RIPOR1: variants seen among roughly 807,000 people sequenced by gnomAD.
RIPOR1 encodes RHO family interacting cell polarization regulator 1, also known as rho family-interacting cell polarization regulator 1.
Under a neutral mutation model 116.5 loss-of-function variants are expected in RIPOR1, and 58 were observed. The ratio of observed to expected loss-of-function variants is 0.50; its 90% CI spans 0.40 to 0.62. The LOEUF (loss-of-function observed/expected upper bound fraction) is 0.62, where lower values mean the gene tolerates loss of function less well. Among genes scored for constraint, RIPOR1 ranks in the 20% least tolerant of loss-of-function variants. RIPOR1 has a pLI of 0.00. For synonymous variants in RIPOR1, 605 were observed against 650.0 expected (o/e 0.93, Z 1.05); for missense variants, 1,372 against 1,586.2 (o/e 0.86, Z 2.29).
rs2051101679 is a variant in RIPOR1 at position 67,544,545 on chromosome 16, G to A, written c.2733+114G>A. ...CTGAGTGCCACACCCCAGTGCCCCA[G>A]GGCCCTTGGCATCTGGCCCTTGCTG... On this transcript the variant is annotated intron_variant, in intron 15 of 21. Coordinates refer to ENST00000042381, the MANE Select transcript of RIPOR1 (RefSeq NM_024519.4). The surrounding 1 kb of genome is among the most constrained non-coding windows in gnomAD (Gnocchi z 5.1). 1 of 1,535,594 alleles carries A rather than the reference G, an allele frequency of 6.5e-7. No homozygotes were observed. The highest frequency in any genetic ancestry group is 1.2e-5 in the South Asian group (1 of 85,324).
At position 67,543,629 on chromosome 16, in the gene RIPOR1, C is replaced by T; in HGVS notation, c.2600+160C>T. ...GTGAGGACTGAGTTGCTGGCAGGTG[C>T]ACCTGTGTCCACCCCTCCCATGTCC... On this transcript the variant is annotated intron_variant, in intron 14 of 21. Coordinates refer to ENST00000042381, the MANE Select transcript of RIPOR1 (RefSeq NM_024519.4). This position sits in a 1 kb window ranked among gnomAD's most constrained non-coding sequence, Gnocchi z 4.7. The T allele has an allele frequency of 2.2e-6, 2 of 912,662 alleles. No individual in the cohort carries two copies. Among genetic ancestry groups the T allele is most frequent in the South Asian group, 3.2e-5 (2 of 61,944 alleles). The allele number at this position is 912,662 out of a possible 1,614,324, so 56.5% of individuals were successfully genotyped here.
chr16:67,521,573 C>CAGGA (rs754490943), intron 1 of RIPOR1, among the ~76,000 whole-genome samples: 373 of 152,230 alleles, frequency 2.5e-3, no homozygotes, highest in Non-Finnish European at 4.3e-3. Context: ...AGAAAGGAGT[C>CAGGA]AGGAAGGAAG....
chr16:67,524,170 A>G (rs929871), upstream of RIPOR1, among the ~76,000 whole-genome samples: 8,660 of 152,284 alleles, frequency 0.057, 730 homozygotes, highest in African/African-American at 0.19. Flanking sequence ...GGATGGGTGC[A>G]CTTAAAGCAT....
rs1246384298 is a variant in RIPOR1 at position 67,544,865 on chromosome 16, C to T, written c.2869+35C>T. 9 of 1,593,022 alleles carry T rather than the reference C, an allele frequency of 5.6e-6. No homozygotes were observed. Among genetic ancestry groups the T allele is most frequent in the East Asian group, 4.5e-5 (2 of 44,456 alleles). On this transcript the variant is annotated intron_variant, in intron 16 of 21. Coordinates refer to ENST00000042381, the MANE Select transcript of RIPOR1 (RefSeq NM_024519.4). The surrounding 1 kb of genome is among the most constrained non-coding windows in gnomAD (Gnocchi z 5.1). Reference sequence around the variant, plus strand: ...CTGGGGGTTCGGGCTCTGCCATCTGCCTTGAAGCTCCTACCTCAGCCTACT... The same window carrying T: ...CTGGGGGTTCGGGCTCTGCCATCTGTCTTGAAGCTCCTACCTCAGCCTACT...
In RIPOR1 at chr16:67,539,038, G is replaced by A. The variant is rs374771901; in HGVS notation, c.306G>A (p.Gln102=). The A allele has an allele frequency of 2.5e-6, 4 of 1,613,340 alleles. 1 individual carries two copies. The highest frequency in any genetic ancestry group is 2.2e-5 in the South Asian group (2 of 90,996). ...AGGAGCAAGAGAAACTCCAGGGGCAGATAAGGGAGTCCAAGAGGAATTCCC... is the reference window on the plus strand; with the variant it reads ...AGGAGCAAGAGAAACTCCAGGGGCAAATAAGGGAGTCCAAGAGGAATTCCC... ...HQQEQEKLQG[Q]IRESKRNSRL... Residue 102 remains glutamine, a synonymous_variant, in exon 4 of 22, where the codon CAG becomes CAA. Coordinates refer to ENST00000042381, the MANE Select transcript of RIPOR1 (RefSeq NM_024519.4).
rs771598046 is a variant in RIPOR1, at chr16:67,544,289, T to G, written c.2601-10T>G. 2.0e-5 allele frequency: 32 copies of G among 1,591,444 alleles called. No homozygotes were observed. In the Middle Eastern group the frequency reaches 6.7e-4, roughly 33 times the overall value. On this transcript the variant is annotated splice_polypyrimidine_tract_variant and intron_variant, in intron 14 of 21. Coordinates refer to ENST00000042381, the MANE Select transcript of RIPOR1 (RefSeq NM_024519.4). This position sits in a 1 kb window ranked among gnomAD's most constrained non-coding sequence, Gnocchi z 5.1. ...TGCCTGTGGGGTGGTGGACCCCATT[T>G]TTCCCTCAGGCCTCCAAGCAGCCCG... is the stretch of plus-strand genomic sequence containing the variant.
At position 67,541,407 on chromosome 16, in the gene RIPOR1, C is replaced by G. The variant is rs762455688; in HGVS notation, c.802-23C>G. 1.9e-6 allele frequency: 3 copies of G among 1,608,524 alleles called. No individual in the cohort carries two copies. Among genetic ancestry groups the G allele is most frequent in the Non-Finnish European group, 2.5e-6 (3 of 1,176,652 alleles). The stretch of plus-strand genomic sequence containing the variant: ...TCATAGCCCCTGCACCCTTGTGACC[C>G]TACCATGCACTCTTGGCTACAGGTG... On this transcript the variant is annotated intron_variant, in intron 10 of 21. Transcript: ENST00000042381. The surrounding 1 kb of genome is among the most constrained non-coding windows in gnomAD (Gnocchi z 4.6).
upstream of RIPOR1, among the ~76,000 whole-genome samples, chr16:67,524,368 C>T (rs992458110): frequency 1.3e-5 from 2 of 152,206 alleles, no homozygotes; most frequent in East Asian, 1.9e-4. Flanking sequence ...CCTACCTCCT[C>T]CAAGCCTGCC....
At chr16:67,536,631 C>A (rs2050801789) in intron 1 of RIPOR1, among the ~76,000 whole-genome samples, 1 of 151,948 alleles carries the variant, frequency 6.6e-6, no homozygotes, top group African/African-American at 2.4e-5. Flanking sequence ...TGAGCACTCC[C>A]TCTGTGGGAG....
In RIPOR1 at chr16:67,540,186, G is replaced by A; in HGVS notation, c.548G>A (p.Gly183Glu). The part of the protein sequence containing the change: ...ARDSLAEATR[G>E]HREYTESMCL... The stretch of plus-strand genomic sequence containing the variant: ...GACAGCCTGGCAGAGGCCACTCGGG[G>A]GCATCGCGAGTACACGGAGGTGAGG... Residue 183 changes from glycine to glutamate, a missense_variant, in exon 7 of 22, where the codon GGG becomes GAG. Gly to Glu is a moderately conservative substitution (Grantham distance 98). Transcript: ENST00000042381. This position sits in a 1 kb window ranked among gnomAD's most constrained non-coding sequence, Gnocchi z 4.7. 1 of 1,614,132 alleles carries A rather than the reference G, an allele frequency of 6.2e-7. No individual in the cohort carries two copies. Among genetic ancestry groups the A allele is most frequent in the Non-Finnish European group, 8.5e-7 (1 of 1,179,984 alleles).
At position 67,541,935 on chromosome 16, in the gene RIPOR1, C is replaced by T. The variant is rs371602868; in HGVS notation, c.1149C>T (p.Asp383=). Reference sequence around the variant, plus strand: ...GGTCCCTGTCATCTGAATCTTCAGACGACTCATCCAGCCCACAGCTCTCAG... The same window carrying T: ...GGTCCCTGTCATCTGAATCTTCAGATGACTCATCCAGCCCACAGCTCTCAG... ...TAWSLSSESS[D]DSSSPQLSGT... Residue 383 remains aspartate, a synonymous_variant, in exon 13 of 22, where the codon GAC becomes GAT. Transcript: ENST00000042381. This position sits in a 1 kb window ranked among gnomAD's most constrained non-coding sequence, Gnocchi z 4.6. 6.2e-6 allele frequency: 10 copies of T among 1,611,912 alleles called. No individual in the cohort carries two copies. The highest frequency in any genetic ancestry group is 5.3e-5 in the African/African-American group (4 of 74,880).
chr16:67,543,493 T>C lies in RIPOR1; in HGVS notation c.2600+24T>C, dbSNP rs867744426. ...AGGTGAGGGGGCTAGGCAAGATGGG[T>C]GTGAGGCTAGGTGAGAGGGAAAAGG... On this transcript the variant is annotated intron_variant, in intron 14 of 21. Coordinates refer to ENST00000042381, the MANE Select transcript of RIPOR1 (RefSeq NM_024519.4). This position sits in a 1 kb window ranked among gnomAD's most constrained non-coding sequence, Gnocchi z 4.7. 1 of 1,546,690 alleles carries C rather than the reference T, an allele frequency of 6.5e-7. No individual in the cohort carries two copies. The highest frequency in any genetic ancestry group is 1.4e-5 in the African/African-American group (1 of 73,054).
chr16:67,538,332 C>T (rs1215512031), intron 1 of RIPOR1, 92 bp from the exon 2 acceptor site: 1 of 1,460,990 alleles, frequency 6.8e-7, no homozygotes, highest in African/African-American at 1.4e-5. Context: ...TGCCTAGCGA[C>T]AGGAAAGACC....
At position 67,529,957 on chromosome 16, in the gene RIPOR1, G is replaced by C; in HGVS notation, c.-24+1043G>C. 1 of 800,742 alleles carries C rather than the reference G, an allele frequency of 1.2e-6. No individual in the cohort carries two copies. The highest frequency in any genetic ancestry group is 2.1e-6 in the Non-Finnish European group (1 of 475,826). The allele number at this position is 800,742 out of a possible 1,614,324, so 49.6% of individuals were successfully genotyped here. ...GACACCCACCTCCGTGGTATTGGAG[G>C]GAGGAGAGGAATGATAATTGGGGGC... On this transcript the variant is annotated intron_variant, in intron 1 of 21. Coordinates refer to ENST00000042381, the MANE Select transcript of RIPOR1 (RefSeq NM_024519.4). This position sits in a 1 kb window ranked among gnomAD's most constrained non-coding sequence, Gnocchi z 4.1.
In RIPOR1 at chr16:67,529,966, G is replaced by A. The variant is rs1276069167; in HGVS notation, c.-24+1052G>A. The stretch of plus-strand genomic sequence containing the variant: ...CTCCGTGGTATTGGAGGGAGGAGAG[G>A]AATGATAATTGGGGGCTGAGGTACA... On this transcript the variant is annotated intron_variant, in intron 1 of 21. Coordinates refer to ENST00000042381, the MANE Select transcript of RIPOR1 (RefSeq NM_024519.4). This position sits in a 1 kb window ranked among gnomAD's most constrained non-coding sequence, Gnocchi z 4.1. 1.3e-5 allele frequency: 10 copies of A among 774,556 alleles called. No homozygotes were observed. The highest frequency in any genetic ancestry group is 2.2e-5 in the Non-Finnish European group (10 of 452,564). 48.0% of individuals were successfully genotyped at this position (774,556 alleles called of 1,614,324 possible).
In RIPOR1 at chr16:67,528,928, G is replaced by A; in HGVS notation, c.-24+14G>A. On this transcript the variant is annotated intron_variant, in intron 1 of 21. Coordinates refer to ENST00000042381, the MANE Select transcript of RIPOR1 (RefSeq NM_024519.4). ...CAGCGCAGCCATGTGAGTGTCCCGC[G>A]CCGTTTCCGGGGCTGCAGGCCGGGC... is the stretch of plus-strand genomic sequence containing the variant. 1 of 192,538 alleles carries A rather than the reference G, an allele frequency of 5.2e-6. No individual in the cohort carries two copies. Among genetic ancestry groups the A allele is most frequent in the South Asian group, 6.5e-5 (1 of 15,372 alleles). 11.9% of individuals were successfully genotyped at this position (192,538 alleles called of 1,614,324 possible). A position where few individuals can be genotyped will look rare whatever the true frequency, so the allele number is the denominator to read the frequency against.
upstream of RIPOR1, among the ~76,000 whole-genome samples, chr16:67,527,732 C>T (rs376456801): frequency 1.3e-4 from 20 of 151,704 alleles, 1 homozygote; most frequent in East Asian, 1.9e-3. Flanking sequence ...AAAAATTAGC[C>T]GGGCGTGGTG....
In RIPOR1 at chr16:67,540,691, TTC is replaced by T; in HGVS notation, c.790_791del (p.Leu264ValfsTer3). ...ATCTTTCTCCCTCTACTCACGGAATTTCTGTCTATTAAGGTGATGTCTCTGCC... is the reference window on the plus strand; with the variant it reads ...ATCTTTCTCCCTCTACTCACGGAATTTGTCTATTAAGGTGATGTCTCTGCC... On this transcript the variant is annotated frameshift_variant, in exon 10 of 22. Transcript: ENST00000042381. LOFTEE classifies it high-confidence loss of function. The surrounding 1 kb of genome is among the most constrained non-coding windows in gnomAD (Gnocchi z 4.7). The T allele has an allele frequency of 6.2e-7, 1 of 1,601,072 alleles. No homozygotes were observed. The highest frequency in any genetic ancestry group is 8.5e-7 in the Non-Finnish European group (1 of 1,173,406).
intron 4 of RIPOR1, 153 bp from the exon 5 acceptor site, chr16:67,539,575 G>A (rs763565929): frequency 1.1e-6 from 1 of 919,296 alleles, no homozygotes; most frequent in Non-Finnish European, 1.8e-6. Context: ...TCCACCAAGG[G>A]CTAGACCAGC....
Sources: gnomAD v4.1 joint callset for allele counts (sites outside exome capture counted in the v4.1 genomes callset) on GRCh38, gnomAD v4.1.1 for gene constraint, Gnocchi (gnomAD v3.1) non-coding constraint, MANE v1.5 for transcripts, NCBI Gene and HGNC (gene_info 2026-07-23, HGNC 2026-07-21) for gene names.